PARD3: variants seen among roughly 807,000 people sequenced by gnomAD.
The protein encoded by PARD3 is partitioning defective 3 homolog.
In PARD3, 75 loss-of-function variants were observed where a neutral mutation model predicts 155.4. The observed-to-expected ratio is 0.48, with a 90% CI of 0.40 to 0.58. PARD3 has a LOEUF of 0.58. Among genes scored for constraint, PARD3 ranks in the 20% least tolerant of loss-of-function variants. The pLI is 0.00. For missense variants in PARD3, 1,642 were observed against 1,721.7 expected (o/e 0.95, Z 0.82); for synonymous variants, 576 against 610.5 (o/e 0.94, Z 0.83).
At chr10:34,586,352 T>A (rs935501248) in intron 2 of PARD3, among the ~76,000 whole-genome samples, 10 of 152,184 alleles carry the variant, frequency 6.6e-5, no homozygotes, top group African/African-American at 2.4e-4. Flanking sequence ...ATTTTCATCA[T>A]ACCTTGTAAC....
chr10:34,736,659 TTTATTTA>T (rs1200662278), intron 1 of PARD3, among the ~76,000 whole-genome samples: 12 of 144,878 alleles, frequency 8.3e-5, no homozygotes, highest in Admixed American at 5.4e-4. Flanking sequence ...AATTAATTTA[TTTATTTA>T]TTTATTTATT....
Position 34,418,744 on chromosome 10 carries a change from C to T in PARD3, c.715-16827G>A, listed in dbSNP as rs1168540484. On this transcript the variant is annotated intron_variant, in intron 5 of 24. Transcript: ENST00000374788. ...TTCCATTTTCAGAGGGCAAGTAACT[C>T]CAACCTTGTCCCCTGAGAGAGCTTT... is the stretch of plus-strand genomic sequence containing the variant. Among the ~76,000 whole-genome samples the T allele has an allele frequency of 3.3e-5, 5 of 152,218 alleles. No individual in the cohort carries two copies. In the East Asian group the frequency reaches 7.7e-4, roughly 24 times the overall value.
chr10:34,205,790 T>G (rs1951445923), intron 22 of PARD3, among the ~76,000 whole-genome samples: 1 of 152,082 alleles, frequency 6.6e-6, no homozygotes, highest in Admixed American at 6.5e-5. Flanking sequence ...AAGCCACATA[T>G]CTTAGGATTT....
chr10:34,370,694 A>G (rs1840494408), intron 12 of PARD3, among the ~76,000 whole-genome samples: 1 of 152,158 alleles, frequency 6.6e-6, no homozygotes, highest in Admixed American at 6.5e-5. Context: ...AAAATATTCT[A>G]TGATACTTAT....
intron 22 of PARD3, among the ~76,000 whole-genome samples, chr10:34,183,139 A>G (rs1950338258): frequency 2.0e-5 from 3 of 152,252 alleles, no homozygotes; most frequent in African/African-American, 7.2e-5. Context: ...CAAATAAAGC[A>G]GTGACTGAGT....
chr10:34,368,894 T>C (rs1272880781), intron 12 of PARD3, among the ~76,000 whole-genome samples: 4 of 148,856 alleles, frequency 2.7e-5, no homozygotes, highest in Non-Finnish European at 4.4e-5. Flanking sequence ...TCTTGACTAA[T>C]GAGATGGCAT....
At chr10:34,482,083 G>A (rs1824476568) in intron 3 of PARD3, among the ~76,000 whole-genome samples, 1 of 133,818 alleles carries the variant, frequency 7.5e-6, no homozygotes, top group Non-Finnish European at 1.5e-5. Flanking sequence ...CTCCCAGAGT[G>A]GACTGCAGTG....
intron 1 of PARD3, among the ~76,000 whole-genome samples, chr10:34,769,746 G>C (rs1838595850): frequency 6.7e-6 from 1 of 148,884 alleles, no homozygotes; most frequent in African/African-American, 2.5e-5. Flanking sequence ...AACAGAGGGA[G>C]AGAGAGACCA....
In PARD3 at chr10:34,681,729, T is replaced by TA. The variant is rs1302254501; in HGVS notation, c.222+14588_222+14589insT. Among the ~76,000 whole-genome samples the TA allele has an allele frequency of 4.6e-3, 259 of 56,500 alleles. 3 individuals carry two copies. The highest frequency in any genetic ancestry group is 0.015 in the African/African-American group (194 of 12,636). The allele number at this position is 56,500 out of a possible 152,430, so 37.1% of individuals were successfully genotyped here. A position where few individuals can be genotyped will look rare whatever the true frequency, so the allele number is the denominator to read the frequency against. Reference sequence around the variant, plus strand: ...TTATATATGTATTTTACGTATGTATTTTATATATATATATATATATATATA... The same window carrying TA: ...TTATATATGTATTTTACGTATGTATTATTATATATATATATATATATATATA... On this transcript the variant is annotated intron_variant, in intron 2 of 24. Transcript: ENST00000374788.
intron 22 of PARD3, among the ~76,000 whole-genome samples, chr10:34,237,958 CAT>C (rs1282359252): frequency 6.6e-6 from 1 of 152,068 alleles, no homozygotes; most frequent in African/African-American, 2.4e-5. Context: ...AGGAATATAA[CAT>C]TGCATCAAAA....
At chr10:34,554,289 T>A (rs2084817858) in intron 2 of PARD3, among the ~76,000 whole-genome samples, 1 of 152,246 alleles carries the variant, frequency 6.6e-6, no homozygotes, top group Admixed American at 6.5e-5. Flanking sequence ...AAATGCCAAT[T>A]ATTATTTACT....
At chr10:34,426,239 T>C (rs1308764828) in intron 5 of PARD3, among the ~76,000 whole-genome samples, 2 of 152,198 alleles carry the variant, frequency 1.3e-5, no homozygotes, top group Non-Finnish European at 1.5e-5. Flanking sequence ...GCAATAGTAA[T>C]GCCTGCTTTA....
chr10:34,730,202 A>G (rs1265880277), intron 1 of PARD3, among the ~76,000 whole-genome samples: 1 of 152,186 alleles, frequency 6.6e-6, no homozygotes, highest in Non-Finnish European at 1.5e-5. Context: ...ATCAGCAACA[A>G]TATATCACCA....
chr10:34,353,404 C>G (rs1488006883), intron 14 of PARD3, among the ~76,000 whole-genome samples: 3 of 152,206 alleles, frequency 2.0e-5, no homozygotes, highest in Non-Finnish European at 4.4e-5. Flanking sequence ...TGCTGTTAAT[C>G]TATAACCTTA....
chr10:34,431,609 G>A (rs1467929778), intron 5 of PARD3, among the ~76,000 whole-genome samples: 2 of 151,824 alleles, frequency 1.3e-5, no homozygotes, highest in East Asian at 3.9e-4. Flanking sequence ...GCATGGTGGT[G>A]TGTGCCTGTA....
chr10:34,592,057 T>A (rs188409549), intron 2 of PARD3, among the ~76,000 whole-genome samples: 2 of 152,166 alleles, frequency 1.3e-5, no homozygotes, highest in African/African-American at 4.8e-5. Flanking sequence ...CCAAAATTTC[T>A]TTCCTAAACC....
chr10:34,292,461 CA>C (rs943313648), intron 20 of PARD3, among the ~76,000 whole-genome samples: 1 of 151,856 alleles, frequency 6.6e-6, no homozygotes, highest in Non-Finnish European at 1.5e-5. Context: ...CCTATTTAGG[CA>C]AAAAAGCATC....
chr10:34,226,303 G>A (rs969734410), intron 22 of PARD3, among the ~76,000 whole-genome samples: 5 of 152,170 alleles, frequency 3.3e-5, no homozygotes, highest in Non-Finnish European at 5.9e-5. Flanking sequence ...TAATCCCAAC[G>A]CTTTGGGAGG....
At chr10:34,113,283 GTGGATTCTGCATCATCCC>G (rs1199827467) in intron 24 of PARD3, among the ~76,000 whole-genome samples, 1 of 152,094 alleles carries the variant, frequency 6.6e-6, no homozygotes, top group Non-Finnish European at 1.5e-5. Context: ...TGCACCCTAA[GTGGATTCTGCATCATCCC>G]CGGAAGACAC....
Sources: gnomAD v4.1 joint callset for allele counts (sites outside exome capture counted in the v4.1 genomes callset) on GRCh38, gnomAD v4.1.1 for gene constraint, MANE v1.5 for transcripts, NCBI Gene and HGNC (gene_info 2026-07-23, HGNC 2026-07-21) for gene names.